RNF144A: variants seen among roughly 807,000 people sequenced by gnomAD.
RNF144A encodes the protein E3 ubiquitin-protein ligase RNF144A.
Under a neutral mutation model 38.7 loss-of-function variants are expected in RNF144A, and 11 were observed. The ratio of observed to expected loss-of-function variants is 0.28; its 90% confidence interval spans 0.18 to 0.47. The LOEUF (loss-of-function observed/expected upper bound fraction) is 0.47. Among genes scored for constraint, RNF144A ranks in the 20% least tolerant of loss-of-function variants. The probability of loss-of-function intolerance (pLI) is 0.99; values close to 1 mark genes in which losing one functional copy is unlikely to be tolerated. For synonymous variants in RNF144A, 149 were observed against 143.9 expected (o/e 1.04, Z -0.25); for missense variants, 316 against 377.2 (o/e 0.84, Z 1.34).
chr2:6,956,592 G>A (rs1256460022), intron 2 of RNF144A, among the ~76,000 whole-genome samples: 1 of 152,146 alleles, frequency 6.6e-6, no homozygotes, highest in Non-Finnish European at 1.5e-5. Context: ...TTGCAGTTGG[G>A]TCTTGAATCT....
chr2:7,046,498 A>G (rs1281510007), downstream of RNF144A, among the ~76,000 whole-genome samples: 1 of 152,190 alleles, frequency 6.6e-6, no homozygotes, highest in African/African-American at 2.4e-5. Context: ...CTTGCACAGG[A>G]TTTTTCTGAG....
chr2:6,937,137 C>T (rs374947284), intron 1 of RNF144A, among the ~76,000 whole-genome samples: 15 of 152,252 alleles, frequency 9.9e-5, no homozygotes, highest in Admixed American at 5.2e-4. Context: ...CACTCCATAC[C>T]GGTGTGGCTT....
chr2:7,014,555 C>T lies in RNF144A; in HGVS notation c.237C>T (p.Asn79=), dbSNP rs756253579. 6.3e-6 allele frequency: 10 copies of T among 1,596,328 alleles called. No homozygotes were observed. Among genetic ancestry groups the T allele is most frequent in the East Asian group, 2.2e-5 (1 of 44,812 alleles). ...CTAAACAGGGCCACCTACAGGAGAACGAGGCATGTGCAATTGAACAGACTG... is the reference window on the plus strand; with the variant it reads ...CTAAACAGGGCCACCTACAGGAGAATGAGGCATGTGCAATTGAACAGACTG... ...ACPKQGHLQE[N]EIECMVAAEI... Residue 79 remains asparagine, a synonymous_variant, in exon 4 of 9, where the codon AAC becomes AAT. Transcript: ENST00000320892.
intron 1 of RNF144A, among the ~76,000 whole-genome samples, chr2:6,932,133 G>C (rs1665244991): frequency 6.6e-6 from 1 of 152,080 alleles, no homozygotes; most frequent in Non-Finnish European, 1.5e-5. Context: ...GTTATGTCTT[G>C]GAAAATTGAT....
intron 2 of RNF144A, among the ~76,000 whole-genome samples, chr2:6,974,901 A>G (rs1464597009): frequency 6.6e-6 from 1 of 152,234 alleles, no homozygotes; most frequent in Admixed American, 6.5e-5. Context: ...TACATTTCCT[A>G]ACCTTCTTTG....
chr2:7,073,973 G>A, the RNF144A span, among the ~76,000 whole-genome samples: 9 of 152,328 alleles, frequency 5.9e-5, no homozygotes, highest in African/African-American at 9.6e-5. Flanking sequence ...GCGTGTGTTC[G>A]TTTATCATCC....
At chr2:6,920,562 C>T (rs1301583284) in intron 1 of RNF144A, among the ~76,000 whole-genome samples, 1 of 152,216 alleles carries the variant, frequency 6.6e-6, no homozygotes, top group African/African-American at 2.4e-5. Context: ...AGCAAGGAAC[C>T]CCTGGCTTCA....
At chr2:6,983,189 A>C (rs763362061) in intron 2 of RNF144A, among the ~76,000 whole-genome samples, 21 of 152,194 alleles carry the variant, frequency 1.4e-4, no homozygotes, top group Non-Finnish European at 2.8e-4. Flanking sequence ...AGTGTTTGCA[A>C]GTCTCCTTCC....
At chr2:6,928,702 A>G (rs1184182942) in intron 1 of RNF144A, among the ~76,000 whole-genome samples, 1 of 151,824 alleles carries the variant, frequency 6.6e-6, no homozygotes, top group Non-Finnish European at 1.5e-5. Context: ...TTTTTTTCCG[A>G]GTCTTTGAAA....
intron 1 of RNF144A, among the ~76,000 whole-genome samples, chr2:6,923,490 C>T (rs1302836568): frequency 2.0e-5 from 3 of 152,248 alleles, no homozygotes; most frequent in African/African-American, 7.2e-5. Context: ...CTGATCTCAG[C>T]AGCTGCTGAC....
At chr2:6,918,155 A>G (rs967444758) in intron 1 of RNF144A, 25 of 152,176 alleles carry the variant, frequency 1.6e-4, no homozygotes, top group African/African-American at 5.6e-4. Context: ...GGAACTGGCC[A>G]AGAGGATGCC....
chr2:7,027,426 C>T (rs555092303), intron 7 of RNF144A, among the ~76,000 whole-genome samples: 3 of 152,338 alleles, frequency 2.0e-5, no homozygotes, highest in Non-Finnish European at 4.4e-5. Context: ...ACCTGCTTCC[C>T]TTAACGCACA....
At chr2:7,048,153 C>T (rs954380881), downstream of RNF144A, among the ~76,000 whole-genome samples, 3 of 152,086 alleles carry the variant, frequency 2.0e-5, no homozygotes, top group African/African-American at 7.2e-5. Context: ...TCAGGAAATC[C>T]TGAGGGGGAA....
At chr2:6,969,705 G>A (rs947854553) in intron 2 of RNF144A, among the ~76,000 whole-genome samples, 7 of 152,148 alleles carry the variant, frequency 4.6e-5, no homozygotes, top group Admixed American at 2.6e-4. Context: ...CTCAAGTGAC[G>A]GATTGCAGGC....
At chr2:7,034,334 A>T (rs144105932) in intron 8 of RNF144A, among the ~76,000 whole-genome samples, 161 of 152,056 alleles carry the variant, frequency 1.1e-3, no homozygotes, top group African/African-American at 3.8e-3. Flanking sequence ...TTGGGGAAAC[A>T]GAGCAGCCAG....
intron 6 of RNF144A, among the ~76,000 whole-genome samples, chr2:7,063,913 A>G (rs1346517109): frequency 6.6e-6 from 1 of 152,204 alleles, no homozygotes; most frequent in Admixed American, 6.5e-5. Context: ...ATTTATTAAG[A>G]AAAGTTTATT....
At chr2:6,985,593 C>T (rs975602206) in intron 2 of RNF144A, among the ~76,000 whole-genome samples, 9 of 152,156 alleles carry the variant, frequency 5.9e-5, no homozygotes, top group Admixed American at 1.3e-4. Flanking sequence ...GTTTAATAGA[C>T]GGAATACAAC....
intron 8 of RNF144A, among the ~76,000 whole-genome samples, chr2:7,039,243 GGA>G (rs970143070): frequency 1.4e-5 from 2 of 144,112 alleles, no homozygotes; most frequent in Non-Finnish European, 3.0e-5. Context: ...GTGGATGGAT[GGA>G]GAGATGGATG....
chr2:7,016,996 A>G (rs552003296), intron 5 of RNF144A, among the ~76,000 whole-genome samples: 11 of 152,338 alleles, frequency 7.2e-5, no homozygotes, highest in African/African-American at 2.4e-4. Context: ...GAAGGGGGCC[A>G]GGAAGCTGAG....
Sources: allele counts gnomAD v4.1 joint callset (sites outside exome capture counted in the v4.1 genomes callset), GRCh38; gene constraint gnomAD v4.1.1; transcripts MANE v1.5; gene names NCBI Gene and HGNC (gene_info 2026-07-23, HGNC 2026-07-21).